The following ZNF529 variants were observed in gnomAD, a reference collection of about 807,000 sequenced individuals.
The protein encoded by ZNF529 is zinc finger protein 529.
In ZNF529, 11 loss-of-function variants were observed where a neutral mutation model predicts 10.1. The ratio of observed to expected loss-of-function variants is 1.09; its 90% CI spans 0.69 to 1.81. ZNF529 has a LOEUF of 1.81. Ranked by LOEUF, ZNF529 falls within the 40% of genes most tolerant of loss-of-function variation. The pLI is 0.00. For synonymous variants in ZNF529, 204 were observed against 215.7 expected (o/e 0.95, Z 0.47); for missense variants, 624 against 666.8 (o/e 0.94, Z 0.71).
upstream of ZNF529, among the ~76,000 whole-genome samples, chr19:36,576,357 T>C (rs555344597): frequency 7.2e-5 from 11 of 152,336 alleles, no homozygotes; most frequent in East Asian, 2.1e-3. Flanking sequence ...TTTTCTTTTA[T>C]TCTAGTCAGA....
chr19:36,567,951 C>T (rs577179662), intron 2 of ZNF529, among the ~76,000 whole-genome samples: 16 of 152,200 alleles, frequency 1.1e-4, no homozygotes, highest in Admixed American at 7.9e-4. Flanking sequence ...TATAAAAACT[C>T]CTACAACTCA....
In ZNF529 at chr19:36,547,041, T is replaced by C. The variant is rs777934586; in HGVS notation, c.1517A>G (p.Tyr506Cys). Residue 506 changes from tyrosine (Y) to cysteine (C), a missense_variant, in exon 5 of 5, where the codon TAT becomes TGT. By Grantham distance (194) the Tyr-to-Cys change is radical (BLOSUM62 -2). Coordinates refer to ENST00000591340, the MANE Select transcript of ZNF529 (RefSeq NM_020951.5). ...HQRIHTGEKP[Y>C]ECKACGKAFR... ...GGCCTTCCCACATGCCTTGCATTCA[T>C]AGGGTTTTTCTCCAGTATGAATTCT... 7 of 1,613,954 alleles carry C rather than the reference T, an allele frequency of 4.3e-6. No homozygotes were observed. Among genetic ancestry groups the C allele is most frequent in the Admixed American group, 1.7e-5 (1 of 59,996 alleles).
chr19:36,548,026 T>C lies in ZNF529; in HGVS notation c.532A>G (p.Lys178Glu). ...EKPYEYKEYE[K>E]VFSCDLEFDE... ...AACTCTAAGTCACAACTGAAGACCT[T>C]CTCATATTCCTTGTATTCATAGGGC... The change falls in exon 5 of 5, where the codon AAG becomes GAG. Residue 178 changes from lysine (K) to glutamate (E), a missense_variant. Lys to Glu is a moderately conservative substitution (Grantham distance 56). Coordinates refer to ENST00000591340, the MANE Select transcript of ZNF529 (RefSeq NM_020951.5). The C allele has an allele frequency of 6.2e-7, 1 of 1,613,844 alleles. No homozygotes were observed. The highest frequency in any genetic ancestry group is 1.3e-5 in the African/African-American group (1 of 75,056).
intron 1 of ZNF529, among the ~76,000 whole-genome samples, chr19:36,591,548 T>C (rs2036715823): frequency 6.6e-6 from 1 of 150,546 alleles, no homozygotes; most frequent in Non-Finnish European, 1.5e-5. Context: ...TGAAACCCCG[T>C]CTCTACTAAG....
chr19:36,568,063 G>C (rs1424141214), intron 2 of ZNF529, among the ~76,000 whole-genome samples: 3 of 152,258 alleles, frequency 2.0e-5, no homozygotes, highest in African/African-American at 7.2e-5. Flanking sequence ...TACATGGAAA[G>C]ATGCTGAAAA....
chr19:36,592,203 T>C (rs568867142), intron 1 of ZNF529, among the ~76,000 whole-genome samples: 1 of 148,038 alleles, frequency 6.8e-6, no homozygotes, highest in Admixed American at 6.8e-5. Context: ...GAGGATCACT[T>C]GAACCCGGGA....
At chr19:36,595,726 A>G (rs549649301) in intron 1 of ZNF529, among the ~76,000 whole-genome samples, 163 of 152,272 alleles carry the variant, frequency 1.1e-3, no homozygotes, top group African/African-American at 3.8e-3. Context: ...GAGGGCAAGT[A>G]ATTTGCCTAA....
chr19:36,557,793 CA>C (rs1371217676), intron 2 of ZNF529, among the ~76,000 whole-genome samples: 1 of 152,138 alleles, frequency 6.6e-6, no homozygotes, highest in Non-Finnish European at 1.5e-5. Context: ...GGCAAAGAAA[CA>C]GGAAAGTATG....
chr19:36,577,492 CTCTT>C (rs1216201011), upstream of ZNF529: 7 of 153,836 alleles, frequency 4.6e-5, no homozygotes, highest in African/African-American at 1.5e-4. Context: ...AGATTGTACT[CTCTT>C]TTTTTTTTTT....
chr19:36,601,347 G>A (rs556542819), intron 1 of ZNF529, among the ~76,000 whole-genome samples: 7 of 151,680 alleles, frequency 4.6e-5, no homozygotes, highest in African/African-American at 7.3e-5. Flanking sequence ...CTCGTGATCC[G>A]CCTGCCTCGG....
At chr19:36,560,595 A>T (rs937916014) in intron 2 of ZNF529, among the ~76,000 whole-genome samples, 1 of 151,968 alleles carries the variant, frequency 6.6e-6, no homozygotes, top group African/African-American at 2.4e-5. Flanking sequence ...ATTTTTTTTT[A>T]AAAACATAGA....
rs2035005670 is a variant in ZNF529, at chr19:36,546,082, G to T, written c.*784C>A. On this transcript the variant is annotated 3_prime_UTR_variant, in exon 5 of 5. Coordinates refer to ENST00000591340, the MANE Select transcript of ZNF529 (RefSeq NM_020951.5). ...GTGTGTATATATATATATATATATAGTGTGTTATGTAGTGCATGTGTGGGC... is the reference window on the plus strand; with the variant it reads ...GTGTGTATATATATATATATATATATTGTGTTATGTAGTGCATGTGTGGGC... 2 of 108,802 alleles carry T rather than the reference G, an allele frequency of 1.8e-5. No homozygotes were observed. Among genetic ancestry groups the T allele is most frequent in the South Asian group, 2.8e-4 (1 of 3,626 alleles). The allele number at this position is 108,802 out of a possible 1,614,324, so 6.7% of individuals were successfully genotyped here. A position where few individuals can be genotyped will look rare whatever the true frequency, so the allele number is the denominator to read the frequency against.
At chr19:36,605,226 G>C (rs1006892457) in exon 1 of ZNF529, 1 of 152,220 alleles carries the variant, frequency 6.6e-6, no homozygotes, top group African/African-American at 2.4e-5. Flanking sequence ...CAAACGGAGG[G>C]GAGCGCCGGC....
rs140182302 is a variant in ZNF529, at chr19:36,601,201, C to T, written c.-128+3925G>A. On this transcript the variant is annotated intron_variant, in intron 1 of 4. Coordinates refer to the ZNF529 transcript ENST00000585960. ...GTAATTTTTTTTTTTTTTTTTGAGA[C>T]GGAGTCTCGCTCTGCCTCAGCCTCC... 5.6e-3 allele frequency among the ~76,000 whole-genome samples: 823 copies of T among 147,360 alleles called. 5 individuals are homozygous for T. The highest frequency in any genetic ancestry group is 0.017 in the African/African-American group (681 of 39,946).
At chr19:36,596,186 G>T (rs1013781881) in intron 1 of ZNF529, among the ~76,000 whole-genome samples, 1 of 143,624 alleles carries the variant, frequency 7.0e-6, no homozygotes, top group Non-Finnish European at 1.5e-5. Context: ...AGGTTCTCCC[G>T]CCTCAGCCTC....
At chr19:36,559,443 G>C (rs571437137) in intron 2 of ZNF529, among the ~76,000 whole-genome samples, 1 of 152,268 alleles carries the variant, frequency 6.6e-6, no homozygotes, top group African/African-American at 2.4e-5. Context: ...TGAGTAGCTG[G>C]GATTACAGGC....
chr19:36,550,202 T>G (rs1047697117), intron 4 of ZNF529, among the ~76,000 whole-genome samples: 1 of 152,150 alleles, frequency 6.6e-6, no homozygotes, highest in Admixed American at 6.6e-5. Flanking sequence ...CAGATTTGAG[T>G]GCCAGTATCA....
At chr19:36,592,977 TC>T (rs1344969568) in intron 1 of ZNF529, among the ~76,000 whole-genome samples, 1 of 152,102 alleles carries the variant, frequency 6.6e-6, no homozygotes, top group Non-Finnish European at 1.5e-5. Flanking sequence ...TATGAAAACT[TC>T]CAGCTATAAT....
Position 36,548,088 on chromosome 19 carries a change from G to A in ZNF529, c.470C>T (p.Ser157Phe). The A allele has an allele frequency of 6.2e-7, 1 of 1,613,834 alleles. No individual in the cohort carries two copies. The highest frequency in any genetic ancestry group is 8.5e-7 in the Non-Finnish European group (1 of 1,179,846). Residue 157 changes from serine (S) to phenylalanine (F), a missense_variant, in exon 5 of 5, where the codon TCT becomes TTT. Ser to Phe is a radical substitution (Grantham distance 155). Transcript: ENST00000591340. Reference protein sequence around the residue: ...ENVPSYKTHESLTLPRRTHDS... With the variant: ...ENVPSYKTHEFLTLPRRTHDS... The stretch of plus-strand genomic sequence containing the variant: ...ATGAGTTCTCCGAGGTAAAGTAAGA[G>A]ATTCATGAGTTTTGTAACTGGGCAC...
Sources: gnomAD v4.1 joint callset for allele counts (sites outside exome capture counted in the v4.1 genomes callset) on GRCh38, gnomAD v4.1.1 for gene constraint, MANE v1.5 for transcripts, NCBI Gene and HGNC (gene_info 2026-07-23, HGNC 2026-07-21) for gene names.